CNTLN: variants seen among roughly 807,000 people sequenced by gnomAD.
CNTLN encodes the protein centlein.
Under a neutral mutation model 180.0 loss-of-function variants are expected in CNTLN, and 212 were observed. The observed-to-expected ratio is 1.18, with a 90% CI of 1.05 to 1.32. The LOEUF is 1.32. Ranked by LOEUF, CNTLN falls within the 40% of genes most tolerant of loss-of-function variation. The probability of loss-of-function intolerance (pLI) is 0.00; values close to 1 mark genes in which losing one functional copy is unlikely to be tolerated. For synonymous variants in CNTLN, 722 were observed against 563.1 expected, an observed-to-expected ratio of 1.28 and a Z score of -3.99; for missense variants, 2,095 against 1,610.9, an observed-to-expected ratio of 1.30 and a Z score of -5.14.
intron 8 of CNTLN, among the ~76,000 whole-genome samples, 192 bp from the exon 9 acceptor site, chr9:17,330,440 G>A (rs939464447): frequency 7.3e-5 from 11 of 151,570 alleles, no homozygotes; most frequent in African/African-American, 2.7e-4. Context: ...ATAGACTCTT[G>A]GTTATTTTAT....
intron 8 of CNTLN, among the ~76,000 whole-genome samples, chr9:17,310,504 A>G (rs1228821656): frequency 1.3e-5 from 2 of 152,116 alleles, no homozygotes; most frequent in Non-Finnish European, 2.9e-5. Flanking sequence ...TTCCATTTTT[A>G]CTGTTATGGG....
intron 6 of CNTLN, among the ~76,000 whole-genome samples, chr9:17,277,309 G>A (rs1478620760): frequency 6.6e-6 from 1 of 151,998 alleles, no homozygotes. Flanking sequence ...CTACAATTGA[G>A]ATGAGAATTT....
chr9:17,438,500 G>A (rs182409717), intron 18 of CNTLN, among the ~76,000 whole-genome samples: 2 of 152,116 alleles, frequency 1.3e-5, no homozygotes, highest in East Asian at 3.9e-4. Flanking sequence ...TTGTGACAAT[G>A]TAATACACTA....
chr9:17,518,979 A>G, the CNTLN span, among the ~76,000 whole-genome samples: 1 of 151,954 alleles, frequency 6.6e-6, no homozygotes, highest in Non-Finnish European at 1.5e-5. Flanking sequence ...GCTTGAGTAC[A>G]GTGGTACGAT....
chr9:17,511,074 G>A, the CNTLN span, among the ~76,000 whole-genome samples: 1 of 152,158 alleles, frequency 6.6e-6, no homozygotes, highest in Non-Finnish European at 1.5e-5. Flanking sequence ...TAATGGGTAT[G>A]TAGTAGAGAT....
chr9:17,505,155 G>T (rs1244776592), downstream of CNTLN, among the ~76,000 whole-genome samples: 1 of 151,118 alleles, frequency 6.6e-6, no homozygotes, highest in African/African-American at 2.4e-5. Flanking sequence ...AAAAAACTCA[G>T]AAAACTATAA....
intron 5 of CNTLN, among the ~76,000 whole-genome samples, chr9:17,264,983 C>G (rs544171319): frequency 6.9e-6 from 1 of 144,836 alleles, no homozygotes; most frequent in East Asian, 2.1e-4. Flanking sequence ...ATGTCATCTG[C>G]AAACAGGGAC....
chr9:17,329,052 A>G (rs1004876847), intron 8 of CNTLN, among the ~76,000 whole-genome samples: 4 of 152,182 alleles, frequency 2.6e-5, no homozygotes, highest in African/African-American at 7.2e-5. Context: ...ATTATAATCC[A>G]TTGATGACTT....
At chr9:17,159,652 G>T (rs143138296) in intron 2 of CNTLN, among the ~76,000 whole-genome samples, 47 of 152,238 alleles carry the variant, frequency 3.1e-4, no homozygotes, top group Non-Finnish European at 8.8e-5. Flanking sequence ...TGTTCTTCCC[G>T]GGAAGAAAAC....
At chr9:17,214,945 G>A (rs940905345) in intron 2 of CNTLN, among the ~76,000 whole-genome samples, 1 of 152,120 alleles carries the variant, frequency 6.6e-6, no homozygotes, top group Non-Finnish European at 1.5e-5. Flanking sequence ...ATTCTAGTTA[G>A]CCATTTGTCT....
chr9:17,404,462 T>C (rs921664672), intron 15 of CNTLN, among the ~76,000 whole-genome samples: 1 of 151,620 alleles, frequency 6.6e-6, no homozygotes, highest in Non-Finnish European at 1.5e-5. Context: ...TCTGTAGAGG[T>C]AGACGCTGAG....
At chr9:17,472,559 C>T (rs1168518920) in intron 23 of CNTLN, among the ~76,000 whole-genome samples, 1 of 152,060 alleles carries the variant, frequency 6.6e-6, no homozygotes, top group African/African-American at 2.4e-5. Flanking sequence ...GTATGGTTCT[C>T]AACTTTGGAT....
chr9:17,271,528 G>A (rs1363120118), intron 5 of CNTLN, among the ~76,000 whole-genome samples: 1 of 152,096 alleles, frequency 6.6e-6, no homozygotes, highest in Non-Finnish European at 1.5e-5. Flanking sequence ...TGGAAAACTT[G>A]TTCTAGTATT....
chr9:17,299,107 G>A (rs1408116662), intron 7 of CNTLN: 6 of 231,688 alleles, frequency 2.6e-5, no homozygotes, highest in Non-Finnish European at 3.5e-5. Context: ...GCTGAGCATG[G>A]TGGTTCATGC....
chr9:17,527,296 A>G, the CNTLN span, among the ~76,000 whole-genome samples: 1 of 152,202 alleles, frequency 6.6e-6, no homozygotes, highest in Non-Finnish European at 1.5e-5. Context: ...CCCATTGTTC[A>G]TACCCTGCAC....
chr9:17,366,775 A>G, intron 13 of CNTLN, 58 bp downstream of exon 13: 2 of 952,654 alleles, frequency 2.1e-6, no homozygotes, highest in East Asian at 5.3e-5. Context: ...GTAATTCTTG[A>G]TGTTTTAGTT....
In CNTLN at chr9:17,403,210, A is replaced by G. The variant is rs573918964; in HGVS notation, c.2616-6083A>G. ...GCCCATTCTGTGAACAAAATGACCC[A>G]TTGTATAGATCTTGCCTATTTCACA... On this transcript the variant is annotated intron_variant, in intron 15 of 25. Coordinates refer to ENST00000380647, the MANE Select transcript of CNTLN (RefSeq NM_017738.4). 6.9e-4 allele frequency among the ~76,000 whole-genome samples: 104 copies of G among 151,732 alleles called. 2 individuals carry two copies. Among genetic ancestry groups the G allele is most frequent in the Admixed American group, 2.9e-3 (44 of 15,214 alleles).
At chr9:17,201,349 A>T (rs1380901446) in intron 2 of CNTLN, among the ~76,000 whole-genome samples, 2 of 152,214 alleles carry the variant, frequency 1.3e-5, no homozygotes, top group Non-Finnish European at 2.9e-5. Flanking sequence ...CTGGCCTCAT[A>T]AAATGAGTTA....
At chr9:17,507,819 G>C (rs903584886), downstream of CNTLN, among the ~76,000 whole-genome samples, 1 of 152,120 alleles carries the variant, frequency 6.6e-6, no homozygotes, top group Non-Finnish European at 1.5e-5. Context: ...CCAATCCTCA[G>C]TTTCCTTCTT....
Sources: gnomAD v4.1 joint callset for allele counts (sites outside exome capture counted in the v4.1 genomes callset) on GRCh38, gnomAD v4.1.1 for gene constraint, MANE v1.5 for transcripts, NCBI Gene and HGNC (gene_info 2026-07-23, HGNC 2026-07-21) for gene names.